DLGAP4: variants seen among roughly 807,000 people sequenced by gnomAD.
The protein encoded by DLGAP4 is disks large-associated protein 4.
DLGAP4 carries 18 observed loss-of-function variants against 86.9 expected under a neutral mutation model. The ratio of observed to expected loss-of-function variants is 0.21; its 90% CI spans 0.14 to 0.31. The LOEUF is 0.31. DLGAP4 is among the 10% of genes least tolerant of loss of function. DLGAP4 has a pLI of 1.00. For synonymous variants in DLGAP4, 548 were observed against 574.3 expected (o/e 0.95, Z 0.65); for missense variants, 1,085 against 1,362.6 (o/e 0.80, Z 3.21).
intron 2 of DLGAP4, among the ~76,000 whole-genome samples, chr20:36,408,190 G>A (rs1200357361): frequency 6.6e-6 from 1 of 151,900 alleles, no homozygotes; most frequent in African/African-American, 2.4e-5. Context: ...CAAGGATTGT[G>A]GGGGTTTGTT....
rs902814323 is a variant in DLGAP4, at chr20:36,332,518, T to C, written c.-304+26006T>C. Among the ~76,000 whole-genome samples the C allele has an allele frequency of 7.9e-5, 12 of 152,086 alleles. 1 individual carries two copies. The highest frequency in any genetic ancestry group is 4.6e-4 in the Admixed American group (7 of 15,270). On this transcript the variant is annotated intron_variant, in intron 1 of 12. Coordinates refer to ENST00000339266, the MANE Select transcript of DLGAP4 (RefSeq NM_001365621.2). ...AGGTCTTCTCCCTCAGCCTCCCTAG[T>C]AGCTGGGACTACAGGCGCCCGCCAC...
At chr20:36,435,406 C>G (rs940131267) in intron 3 of DLGAP4, among the ~76,000 whole-genome samples, 2 of 152,226 alleles carry the variant, frequency 1.3e-5, no homozygotes, top group Non-Finnish European at 2.9e-5. Flanking sequence ...TTGGTTACTG[C>G]CACCATAACC....
intron 2 of DLGAP4, among the ~76,000 whole-genome samples, chr20:36,410,390 C>T (rs532043360): frequency 1.4e-4 from 22 of 152,192 alleles, no homozygotes; most frequent in Admixed American, 5.2e-4. Flanking sequence ...CCAACTCCCT[C>T]GCCCTTCCAT....
rs2147541179 is a variant in DLGAP4 at position 36,432,207 on chromosome 20, G to A, written c.490G>A (p.Val164Ile). The A allele has an allele frequency of 2.5e-6, 4 of 1,614,128 alleles. No homozygotes were observed. The highest frequency in any genetic ancestry group is 1.3e-5 in the African/African-American group (1 of 75,078). ...CTCACTGGAGGGCACAGCGGGCAAGGTCGGTGGCAATGGCAGCAAGAAGGG... is the reference window on the plus strand; with the variant it reads ...CTCACTGGAGGGCACAGCGGGCAAGATCGGTGGCAATGGCAGCAAGAAGGG... Reference protein sequence around the residue: ...APSLEGTAGKVGGNGSKKGGM... With the variant: ...APSLEGTAGKIGGNGSKKGGM... Residue 164 changes from valine (V) to isoleucine (I), a missense_variant, in exon 3 of 13, where the codon GTC becomes ATC. Coordinates refer to ENST00000339266, the MANE Select transcript of DLGAP4 (RefSeq NM_001365621.2). This position sits in a 1 kb window ranked among gnomAD's most constrained non-coding sequence, Gnocchi z 6.5.
intron 7 of DLGAP4, chr20:36,461,524 G>A (rs1436440359): frequency 1.0e-6 from 1 of 983,150 alleles, no homozygotes; most frequent in Non-Finnish European, 1.2e-6. Context: ...AGTGCCCGCC[G>A]CTGGCCGCCG....
chr20:36,310,923 G>A (rs1442994881), intron 1 of DLGAP4, among the ~76,000 whole-genome samples: 3 of 152,120 alleles, frequency 2.0e-5, no homozygotes, highest in African/African-American at 4.8e-5. Context: ...CTACTTTATC[G>A]GAATATGGGG....
chr20:36,496,675 C>G (rs371416217), intron 7 of DLGAP4, 30 bp from the exon 8 acceptor site: 616 of 1,576,958 alleles, frequency 3.9e-4, no homozygotes, highest in Non-Finnish European at 4.8e-4. Flanking sequence ...CATCTCACCT[C>G]TCCCCTGCCC....
chr20:36,357,292 C>T (rs1555893911), intron 1 of DLGAP4, among the ~76,000 whole-genome samples: 1 of 152,208 alleles, frequency 6.6e-6, no homozygotes, highest in African/African-American at 2.4e-5. Flanking sequence ...CCAGCTGTTC[C>T]TTCTGCCTCC....
At chr20:36,507,498 GA>G (rs2147798271) in intron 10 of DLGAP4, among the ~76,000 whole-genome samples, 1 of 152,264 alleles carries the variant, frequency 6.6e-6, no homozygotes, top group East Asian at 1.9e-4. Flanking sequence ...AAAATGCTGG[GA>G]TTACAGGTGT....
intron 1 of DLGAP4, among the ~76,000 whole-genome samples, chr20:36,335,973 G>T (rs1256077726): frequency 2.6e-5 from 4 of 152,198 alleles, no homozygotes; most frequent in Non-Finnish European, 5.9e-5. Flanking sequence ...GTCGAGTGAA[G>T]GATGACAGGT....
intron 2 of DLGAP4, among the ~76,000 whole-genome samples, chr20:36,385,169 C>T (rs987561665): frequency 3.3e-5 from 5 of 152,072 alleles, no homozygotes; most frequent in African/African-American, 1.2e-4. Flanking sequence ...TCACCACTAG[C>T]CCCACGAAGA....
At chr20:36,490,682 TGTAGACC>T (rs1177493301) in intron 7 of DLGAP4, among the ~76,000 whole-genome samples, 9 of 152,034 alleles carry the variant, frequency 5.9e-5, no homozygotes, top group Non-Finnish European at 1.0e-4. Flanking sequence ...TCTTGAGGAG[TGTAGACC>T]GCCTCTCCTT....
At chr20:36,337,563 C>A (rs2065335350) in intron 1 of DLGAP4, among the ~76,000 whole-genome samples, 1 of 152,030 alleles carries the variant, frequency 6.6e-6, no homozygotes, top group African/African-American at 2.4e-5. Context: ...TGGGTTCAGG[C>A]ACAGACAGGA....
At chr20:36,450,357 G>T (rs571985991) in intron 7 of DLGAP4, among the ~76,000 whole-genome samples, 95 of 152,324 alleles carry the variant, frequency 6.2e-4, no homozygotes, top group African/African-American at 2.1e-3. Flanking sequence ...AATTAGCCAG[G>T]CGTGGTGGTG....
intron 4 of DLGAP4, 127 bp downstream of exon 4, chr20:36,436,477 A>G: frequency 2.2e-6 from 3 of 1,390,256 alleles, no homozygotes; most frequent in Non-Finnish European, 2.8e-6. Flanking sequence ...GCCCCCTTTG[A>G]GCCACGCCCA....
At chr20:36,498,997 G>A (rs542318469) in intron 8 of DLGAP4, 1 of 510,902 alleles carries the variant, frequency 2.0e-6, no homozygotes, top group Admixed American at 3.5e-5. Context: ...TAACGTCCAG[G>A]GACTTCGGTG....
intron 7 of DLGAP4, among the ~76,000 whole-genome samples, chr20:36,466,383 G>A (rs892631816): frequency 1.3e-5 from 2 of 152,214 alleles, no homozygotes; most frequent in African/African-American, 2.4e-5. Context: ...GTGGGGATTG[G>A]TGGTTTTCAG....
intron 10 of DLGAP4, among the ~76,000 whole-genome samples, chr20:36,523,664 A>C (rs1430982958): frequency 6.6e-6 from 1 of 152,100 alleles, no homozygotes; most frequent in Non-Finnish European, 1.5e-5. Context: ...TTATGAGTCT[A>C]ATCAGATTTT....
At chr20:36,450,274 G>A (rs1037008845) in intron 7 of DLGAP4, among the ~76,000 whole-genome samples, 4 of 152,198 alleles carry the variant, frequency 2.6e-5, no homozygotes, top group African/African-American at 7.2e-5. Context: ...GAGGCAGGTG[G>A]ATCACTTGAG....
Sources: gnomAD v4.1 joint callset for allele counts (sites outside exome capture counted in the v4.1 genomes callset) on GRCh38, gnomAD v4.1.1 for gene constraint, Gnocchi (gnomAD v3.1) non-coding constraint, MANE v1.5 for transcripts, NCBI Gene and HGNC (gene_info 2026-07-23, HGNC 2026-07-21) for gene names.